Variants in CYSTM1 observed in about 807,000 individuals in gnomAD.
CYSTM1 encodes cysteine rich transmembrane module containing 1.
CYSTM1 carries 4 observed loss-of-function variants against 13.1 expected under a neutral mutation model. The observed-to-expected ratio is 0.31, with a 90% CI of 0.15 to 0.70. The LOEUF (loss-of-function observed/expected upper bound fraction) is 0.70, where lower values mean the gene tolerates loss of function less well. CYSTM1 is among the 30% of genes least tolerant of loss of function. CYSTM1 has a pLI of 0.72. For synonymous variants in CYSTM1, 36 were observed against 42.7 expected, an observed-to-expected ratio of 0.84 and a Z score of 0.62; for missense variants, 96 against 121.6, an observed-to-expected ratio of 0.79 and a Z score of 0.99.
intron 1 of CYSTM1, among the ~76,000 whole-genome samples, chr5:140,188,212 CTATG>C (rs1308926083): frequency 6.6e-6 from 1 of 151,128 alleles, no homozygotes; most frequent in Admixed American, 6.6e-5. Context: ...GCAGCTAGGA[CTATG>C]TATAACACCA....
At chr5:140,237,028 C>T (rs1384436914) in intron 2 of CYSTM1, among the ~76,000 whole-genome samples, 1 of 152,202 alleles carries the variant, frequency 6.6e-6, no homozygotes, top group Non-Finnish European at 1.5e-5. Context: ...CAGGAGTTCC[C>T]TCACACATGC....
chr5:140,226,586 TTATATATATA>T (rs549334525), intron 2 of CYSTM1, among the ~76,000 whole-genome samples: 1,291 of 75,280 alleles, frequency 0.017, 80 homozygotes, highest in African/African-American at 0.06. Flanking sequence ...ATACTAAATA[TTATATATATA>T]TATATATATA....
intron 2 of CYSTM1, among the ~76,000 whole-genome samples, chr5:140,232,052 C>T (rs1341615535): frequency 6.6e-6 from 1 of 152,090 alleles, no homozygotes; most frequent in Non-Finnish European, 1.5e-5. Context: ...TAAAATCAAC[C>T]AGACTTGGTG....
intron 2 of CYSTM1, among the ~76,000 whole-genome samples, chr5:140,194,861 T>G (rs1274249604): frequency 3.3e-5 from 5 of 152,216 alleles, no homozygotes; most frequent in African/African-American, 9.6e-5. Flanking sequence ...TTGTCCCCTC[T>G]GGGGCTGATG....
intron 2 of CYSTM1, among the ~76,000 whole-genome samples, chr5:140,205,378 C>G (rs1452108107): frequency 6.6e-6 from 1 of 152,204 alleles, no homozygotes; most frequent in Non-Finnish European, 1.5e-5. Flanking sequence ...CTAATTGGCT[C>G]TAAGTATGGA....
At chr5:140,226,509 T>G (rs1374333162) in intron 2 of CYSTM1, among the ~76,000 whole-genome samples, 2 of 124,536 alleles carry the variant, frequency 1.6e-5, no homozygotes, top group African/African-American at 6.1e-5. Context: ...TATATAAATA[T>G]ATATTAATAA....
At chr5:140,180,128 G>T (rs1763946671) in intron 1 of CYSTM1, among the ~76,000 whole-genome samples, 1 of 152,170 alleles carries the variant, frequency 6.6e-6, no homozygotes, top group Admixed American at 6.5e-5. Context: ...AAAGGAGTAA[G>T]TTATTAAGCT....
At chr5:140,213,037 ACTC>A (rs1308933762) in intron 2 of CYSTM1, among the ~76,000 whole-genome samples, 2 of 133,900 alleles carry the variant, frequency 1.5e-5, no homozygotes, top group Non-Finnish European at 3.3e-5. Flanking sequence ...GAGAGAGAGA[ACTC>A]CTATTTTTTT....
chr5:140,241,599 G>T (rs1764749632), intron 2 of CYSTM1, among the ~76,000 whole-genome samples: 1 of 152,236 alleles, frequency 6.6e-6, no homozygotes, highest in Non-Finnish European at 1.5e-5. Flanking sequence ...AGCCAATCCT[G>T]TGACAGGGAG....
At chr5:140,189,549 G>A (rs1764065447) in intron 1 of CYSTM1, among the ~76,000 whole-genome samples, 1 of 152,196 alleles carries the variant, frequency 6.6e-6, no homozygotes, top group Non-Finnish European at 1.5e-5. Context: ...TATTATTGAA[G>A]TCTGTTGAGT....
At chr5:140,225,760 C>T (rs1271061773) in intron 2 of CYSTM1, among the ~76,000 whole-genome samples, 1 of 152,192 alleles carries the variant, frequency 6.6e-6, no homozygotes, top group Non-Finnish European at 1.5e-5. Context: ...CCTGGCAGTC[C>T]CCTCCCCAGC....
intron 2 of CYSTM1, among the ~76,000 whole-genome samples, chr5:140,216,634 T>C (rs1414872989): frequency 2.6e-5 from 4 of 152,184 alleles, no homozygotes; most frequent in Non-Finnish European, 5.9e-5. Context: ...GAAAATCTTA[T>C]CAGCTTGTAC....
intron 2 of CYSTM1, among the ~76,000 whole-genome samples, chr5:140,197,424 G>A (rs983294490): frequency 2.0e-5 from 3 of 152,166 alleles, no homozygotes; most frequent in Admixed American, 1.3e-4. Flanking sequence ...GATATACCCA[G>A]GAATTTATTT....
At chr5:140,196,205 A>C (rs950367990) in intron 2 of CYSTM1, among the ~76,000 whole-genome samples, 9 of 152,214 alleles carry the variant, frequency 5.9e-5, no homozygotes, top group African/African-American at 1.9e-4. Context: ...CCTAGCTAGA[A>C]GGGGCACTTT....
At chr5:140,216,231 T>TGCCA (rs1003556697) in intron 2 of CYSTM1, among the ~76,000 whole-genome samples, 40 of 152,370 alleles carry the variant, frequency 2.6e-4, no homozygotes, top group African/African-American at 9.4e-4. Context: ...AAGGAGTGAT[T>TGCCA]ATCAGCTTTC....
Position 140,185,319 on chromosome 5 carries a change from C to A in CYSTM1, c.-20-9127C>A, listed in dbSNP as rs192699524. On this transcript the variant is annotated intron_variant, in intron 1 of 2. Coordinates refer to ENST00000261811, the MANE Select transcript of CYSTM1 (RefSeq NM_032412.4). ...TATCATTTTGTACTCCATAGAGGGGCTATTGTGAAGCCACAGCCAAAATGT... is the reference window on the plus strand; with the variant it reads ...TATCATTTTGTACTCCATAGAGGGGATATTGTGAAGCCACAGCCAAAATGT... 2.6e-5 allele frequency among the ~76,000 whole-genome samples: 4 copies of A among 152,262 alleles called. No individual in the cohort carries two copies. The East Asian group carries it at 7.7e-4, about 29-fold the overall frequency.
intron 1 of CYSTM1, among the ~76,000 whole-genome samples, chr5:140,185,300 T>C (rs1764002873): frequency 6.6e-6 from 1 of 152,228 alleles, no homozygotes; most frequent in South Asian, 2.1e-4. Context: ...TGTGTATCAT[T>C]TTGTACTCCA....
chr5:140,185,842 T>C (rs1764010041), intron 1 of CYSTM1, among the ~76,000 whole-genome samples: 1 of 152,220 alleles, frequency 6.6e-6, no homozygotes, highest in African/African-American at 2.4e-5. Context: ...GAGACCATCA[T>C]TTCTTACCTC....
chr5:140,193,478 T>A (rs1421303325), intron 1 of CYSTM1, among the ~76,000 whole-genome samples: 1 of 152,198 alleles, frequency 6.6e-6, no homozygotes, highest in Non-Finnish European at 1.5e-5. Flanking sequence ...GAGACGGGGT[T>A]TCACCATGTT....
Sources: gnomAD v4.1 joint callset for allele counts (sites outside exome capture counted in the v4.1 genomes callset) on GRCh38, gnomAD v4.1.1 for gene constraint, MANE v1.5 for transcripts, NCBI Gene and HGNC (gene_info 2026-07-23, HGNC 2026-07-21) for gene names.